The following NKAIN2 variants were observed in gnomAD, a reference collection of about 807,000 sequenced individuals.
NKAIN2 encodes sodium/potassium transporting ATPase interacting 2, also known as sodium/potassium-transporting ATPase subunit beta-1-interacting protein 2.
In NKAIN2, 14 loss-of-function variants were observed where a neutral mutation model predicts 32.6. The ratio of observed to expected loss-of-function variants is 0.43; its 90% CI spans 0.28 to 0.67. The LOEUF (loss-of-function observed/expected upper bound fraction) is 0.67, where lower values mean the gene tolerates loss of function less well. NKAIN2 is among the 30% of genes least tolerant of loss of function. The probability of loss-of-function intolerance (pLI) is 0.17; values close to 1 mark genes in which losing one functional copy is unlikely to be tolerated. For synonymous variants in NKAIN2, 80 were observed against 87.2 expected (o/e 0.92, Z 0.46); for missense variants, 198 against 258.3 (o/e 0.77, Z 1.60).
At chr6:124,543,985 C>T (rs1780000607) in intron 3 of NKAIN2, among the ~76,000 whole-genome samples, 1 of 152,204 alleles carries the variant, frequency 6.6e-6, no homozygotes, top group Admixed American at 6.5e-5. Context: ...AAAACTTGTT[C>T]ATCAAGGAGC....
intron 3 of NKAIN2, among the ~76,000 whole-genome samples, chr6:124,587,642 C>T (rs571077127): frequency 1.3e-5 from 2 of 152,260 alleles, no homozygotes; most frequent in South Asian, 4.1e-4. Flanking sequence ...GCCAGGTTTC[C>T]ATATCTAAGC....
intron 5 of NKAIN2, among the ~76,000 whole-genome samples, chr6:124,817,820 G>C (rs1781232726): frequency 6.6e-6 from 1 of 152,138 alleles, no homozygotes; most frequent in South Asian, 2.1e-4. Context: ...TGGTTAGACT[G>C]TTCCACATGT....
intron 1 of NKAIN2, among the ~76,000 whole-genome samples, chr6:124,169,522 A>G (rs745842854): frequency 1.3e-5 from 2 of 152,142 alleles, no homozygotes. Context: ...AGTTTCTCAA[A>G]TTAAATTAAT....
In NKAIN2 at chr6:124,356,693, GC is replaced by G. The variant is rs146772836; in HGVS notation, c.273+1347del. Among the ~76,000 whole-genome samples, 166 of 152,224 alleles carry G rather than the reference GC, an allele frequency of 1.1e-3. 2 individuals carry two copies. Among genetic ancestry groups the G allele is most frequent in the Admixed American group, 6.1e-3 (93 of 15,284 alleles). On this transcript the variant is annotated intron_variant, in intron 3 of 6. Transcript: ENST00000368417. ...TAGGAGGGACCCAGACCAGATTGCT[GC>G]TTAAAACTCACATTCGCCTCAGTGT...
At chr6:124,418,828 G>A (rs75566041) in intron 3 of NKAIN2, among the ~76,000 whole-genome samples, 2,101 of 151,746 alleles carry the variant, frequency 0.014, 38 homozygotes, top group African/African-American at 0.045. Context: ...CTGGAATAAC[G>A]GATCATTTGA....
chr6:123,978,712 C>T lies in NKAIN2; in HGVS notation c.54+174458C>T, dbSNP rs189959488. ...GTGTGTGTATGGGTGAGTAAACACACACACACATATTAGACACTCACATAT... is the reference window on the plus strand; with the variant it reads ...GTGTGTGTATGGGTGAGTAAACACATACACACATATTAGACACTCACATAT... On this transcript the variant is annotated intron_variant, in intron 1 of 6. Transcript: ENST00000368417. Among the ~76,000 whole-genome samples the T allele has an allele frequency of 9.7e-4, 147 of 152,248 alleles. 1 individual carries two copies. Among genetic ancestry groups the T allele is most frequent in the Middle Eastern group, 3.4e-3 (1 of 294 alleles).
chr6:124,748,556 A>AT (rs1271112097), intron 4 of NKAIN2, among the ~76,000 whole-genome samples: 9 of 151,960 alleles, frequency 5.9e-5, no homozygotes, highest in East Asian at 1.9e-4. Context: ...GATAACAAAG[A>AT]TTTTTTTTAC....
intron 1 of NKAIN2, among the ~76,000 whole-genome samples, chr6:124,169,741 A>G (rs200531470): frequency 2.0e-5 from 3 of 152,150 alleles, no homozygotes; most frequent in East Asian, 3.9e-4. Context: ...TGCACTTAGG[A>G]TGGAAATCTT....
At chr6:124,665,768 C>G (rs1772766518) in intron 4 of NKAIN2, among the ~76,000 whole-genome samples, 1 of 152,174 alleles carries the variant, frequency 6.6e-6, no homozygotes, top group Non-Finnish European at 1.5e-5. Flanking sequence ...TCTGATTGCT[C>G]CATTGACTCC....
At chr6:123,953,078 G>A (rs1470893206) in intron 1 of NKAIN2, among the ~76,000 whole-genome samples, 1 of 152,142 alleles carries the variant, frequency 6.6e-6, no homozygotes, top group Non-Finnish European at 1.5e-5. Context: ...GTTGGGTAGG[G>A]CACTTTGGCT....
At chr6:124,147,948 C>T (rs1469999246) in intron 1 of NKAIN2, among the ~76,000 whole-genome samples, 3 of 152,118 alleles carry the variant, frequency 2.0e-5, no homozygotes, top group Non-Finnish European at 4.4e-5. Flanking sequence ...GCGTAGTCCT[C>T]ATCCCTGGTC....
chr6:124,468,086 C>A lies in NKAIN2; in HGVS notation c.273+112739C>A, dbSNP rs188310358. 5.3e-5 allele frequency among the ~76,000 whole-genome samples: 8 copies of A among 152,126 alleles called. No homozygotes were observed. The East Asian group carries it at 1.4e-3, about 26-fold the overall frequency. On this transcript the variant is annotated intron_variant, in intron 3 of 6. Transcript: ENST00000368417. ...TGATAAATATAATTTTTAATGTTTTCTGTATTATTTTGATACTTTCATGGA... is the reference window on the plus strand; with the variant it reads ...TGATAAATATAATTTTTAATGTTTTATGTATTATTTTGATACTTTCATGGA...
chr6:124,493,086 G>A (rs1264200316), intron 3 of NKAIN2, among the ~76,000 whole-genome samples: 1 of 151,606 alleles, frequency 6.6e-6, no homozygotes, highest in Non-Finnish European at 1.5e-5. Context: ...AAATGTAAAG[G>A]GCTTAGCACC....
intron 3 of NKAIN2, among the ~76,000 whole-genome samples, chr6:124,473,202 A>G (rs536340996): frequency 3.2e-4 from 49 of 152,286 alleles, no homozygotes; most frequent in African/African-American, 1.2e-3. Flanking sequence ...TTTGCAGGCA[A>G]TCTTTCTAAA....
intron 3 of NKAIN2, among the ~76,000 whole-genome samples, chr6:124,650,431 T>C (rs1784328198): frequency 6.6e-6 from 1 of 152,186 alleles, no homozygotes; most frequent in Non-Finnish European, 1.5e-5. Flanking sequence ...TAGGTATCAA[T>C]TTGTCTTCAA....
At position 124,338,867 on chromosome 6, in the gene NKAIN2, AAATT is replaced by A. The variant is rs572499158; in HGVS notation, c.193-16394_193-16391del. 6.3e-3 allele frequency among the ~76,000 whole-genome samples: 962 copies of A among 152,338 alleles called. 4 individuals are homozygous for A. Among genetic ancestry groups the A allele is most frequent in the Middle Eastern group, 0.02 (6 of 294 alleles). ...GCCTAAAAGGAGTGAATCAATTTTG[AAATT>A]AATTACACTACTCCACAAGTATTTA... is the stretch of plus-strand genomic sequence containing the variant. On this transcript the variant is annotated intron_variant, in intron 2 of 6. Coordinates refer to ENST00000368417, the MANE Select transcript of NKAIN2 (RefSeq NM_001040214.3).
intron 3 of NKAIN2, among the ~76,000 whole-genome samples, chr6:124,466,268 T>C (rs538366126): frequency 6.9e-4 from 105 of 152,236 alleles, no homozygotes; most frequent in African/African-American, 2.4e-3. Context: ...GCATGGTGCT[T>C]AGTGAGAGAA....
rs146836221 is a variant in NKAIN2, at chr6:124,276,875, G to A, written c.55-6130G>A. Among the ~76,000 whole-genome samples, 11 of 152,248 alleles carry A rather than the reference G, an allele frequency of 7.2e-5. No homozygotes were observed. In the East Asian group the frequency reaches 1.2e-3, roughly 16 times the overall value. On this transcript the variant is annotated intron_variant, in intron 1 of 6. Coordinates refer to ENST00000368417, the MANE Select transcript of NKAIN2 (RefSeq NM_001040214.3). ...CTACAGTTTACTTAGGACTACAAAC[G>A]AATTAAGCAATAGGAATGGAGATGA...
intron 1 of NKAIN2, among the ~76,000 whole-genome samples, chr6:124,214,197 T>G (rs1229944038): frequency 6.6e-6 from 1 of 152,180 alleles, no homozygotes; most frequent in Non-Finnish European, 1.5e-5. Context: ...TTACTGAATG[T>G]GGACTTCGAA....
Sources: gnomAD v4.1 joint callset for allele counts (sites outside exome capture counted in the v4.1 genomes callset) on GRCh38, gnomAD v4.1.1 for gene constraint, MANE v1.5 for transcripts, NCBI Gene and HGNC (gene_info 2026-07-23, HGNC 2026-07-21) for gene names.